Variants in NAALADL2 observed in about 807,000 individuals in gnomAD.
NAALADL2 encodes N-acetylated alpha-linked acidic dipeptidase like 2, also known as inactive N-acetylated-alpha-linked acidic dipeptidase-like protein 2.
Under a neutral mutation model 87.2 loss-of-function variants are expected in NAALADL2, and 76 were observed. The observed-to-expected ratio is 0.87, with a 90% CI of 0.72 to 1.05. The LOEUF is 1.05. Ranked by LOEUF, NAALADL2 falls within the 50% of genes least tolerant of loss-of-function variation. The pLI, the probability that NAALADL2 is intolerant of heterozygous loss-of-function variation, is 0.00. For synonymous variants in NAALADL2, 354 were observed against 331.0 expected, an observed-to-expected ratio of 1.07 and a Z score of -0.75; for missense variants, 1,089 against 945.8, an observed-to-expected ratio of 1.15 and a Z score of -1.99.
chr3:175,691,630 G>A (rs1222447057), intron 11 of NAALADL2, among the ~76,000 whole-genome samples: 2 of 151,712 alleles, frequency 1.3e-5, no homozygotes, highest in African/African-American at 4.8e-5. Context: ...AATGGCTGTA[G>A]GAAATATATA....
At position 175,058,882 on chromosome 3, in the gene NAALADL2, G is replaced by C. The variant is rs145706701; in HGVS notation, c.44-37908G>C. ...AACCTAATCCTGCCATTGGTGAAAA[G>C]AAAAAGTAGTGAATAGATTAGATGG... is the stretch of plus-strand genomic sequence containing the variant. On this transcript the variant is annotated intron_variant, in intron 1 of 13. Transcript: ENST00000454872. 2.6e-5 allele frequency among the ~76,000 whole-genome samples: 4 copies of C among 152,272 alleles called. No individual in the cohort carries two copies. In the East Asian group the frequency reaches 7.7e-4, roughly 29 times the overall value.
intron 2 of NAALADL2, among the ~76,000 whole-genome samples, chr3:174,551,955 G>A (rs1311319712): frequency 2.4e-4 from 36 of 152,192 alleles, no homozygotes; most frequent in Admixed American, 2.4e-3. Context: ...TATACTTGGA[G>A]AAGTTTCTTA....
intron 6 of NAALADL2, among the ~76,000 whole-genome samples, chr3:175,455,204 G>T (rs1032165633): frequency 2.0e-5 from 3 of 152,042 alleles, no homozygotes; most frequent in African/African-American, 7.2e-5. Flanking sequence ...CCAACCTGCT[G>T]GCCTCTTGTT....
intron 12 of NAALADL2, among the ~76,000 whole-genome samples, chr3:175,737,722 T>TTTTC (rs1744694620): frequency 7.2e-6 from 1 of 138,260 alleles, no homozygotes; most frequent in African/African-American, 2.8e-5. Flanking sequence ...CAGTTTTTTT[T>TTTTC]TTTTTTTTTT....
chr3:174,968,135 C>G lies in NAALADL2; in HGVS notation c.43+108685C>G, dbSNP rs1033845851. ...GTGCACTATCTAATGATTTGTCCTC[C>G]CAACTTCATTTCCCACCTCTTACTT... On this transcript the variant is annotated intron_variant, in intron 1 of 13. Transcript: ENST00000454872. 7.9e-5 allele frequency among the ~76,000 whole-genome samples: 12 copies of G among 152,102 alleles called. 1 individual carries two copies. The highest frequency in any genetic ancestry group is 6.6e-4 in the Admixed American group (10 of 15,266).
intron 2 of NAALADL2, among the ~76,000 whole-genome samples, chr3:174,612,569 TTAAAAGAC>T (rs1443758248): frequency 3.9e-5 from 6 of 152,124 alleles, no homozygotes; most frequent in Admixed American, 3.3e-4. Flanking sequence ...AATTCTGTTA[TTAAAAGAC>T]TGTGATGCAT....
At position 174,868,393 on chromosome 3, in the gene NAALADL2, G is replaced by A. The variant is rs116688121; in HGVS notation, c.43+8943G>A. Reference sequence around the variant, plus strand: ...CATATGCCCCTTACTGGGTAATTGTGAAAATTAAAAACATAAATATGCCAA... The same window carrying A: ...CATATGCCCCTTACTGGGTAATTGTAAAAATTAAAAACATAAATATGCCAA... On this transcript the variant is annotated intron_variant, in intron 1 of 13. Transcript: ENST00000454872. Among the ~76,000 whole-genome samples the A allele has an allele frequency of 2.9e-3, 447 of 152,196 alleles. 2 individuals carry two copies. Among genetic ancestry groups the A allele is most frequent in the African/African-American group, 0.01 (432 of 41,542 alleles).
rs1351108093 is a variant in NAALADL2, at chr3:174,909,037, G to T, written c.43+49587G>T. ...AAAAAAAAAAGATCTCCTTAGTTGT[G>T]TAGCTATTTCATCTTAACTGAATTC... On this transcript the variant is annotated intron_variant, in intron 1 of 13. Transcript: ENST00000454872. Among the ~76,000 whole-genome samples, 4 of 151,852 alleles carry T rather than the reference G, an allele frequency of 2.6e-5. No individual in the cohort carries two copies. In the South Asian group the frequency reaches 8.3e-4, roughly 32 times the overall value.
intron 1 of NAALADL2, among the ~76,000 whole-genome samples, chr3:174,942,307 A>G (rs777314464): frequency 6.6e-6 from 1 of 152,156 alleles, no homozygotes; most frequent in Non-Finnish European, 1.5e-5. Context: ...GTTTGGCTGG[A>G]TATGAAATTG....
chr3:175,396,309 C>T (rs1316027602), intron 5 of NAALADL2, among the ~76,000 whole-genome samples: 1 of 148,866 alleles, frequency 6.7e-6, no homozygotes, highest in Non-Finnish European at 1.5e-5. Flanking sequence ...TCTTTCAGTA[C>T]TGATTTTAAT....
At chr3:175,320,413 G>A (rs1214541528) in intron 4 of NAALADL2, among the ~76,000 whole-genome samples, 1 of 152,118 alleles carries the variant, frequency 6.6e-6, no homozygotes, top group African/African-American at 2.4e-5. Context: ...CAGAACAAGG[G>A]TTGATCTTTC....
At chr3:174,613,588 GC>G (rs1385130010) in intron 2 of NAALADL2, among the ~76,000 whole-genome samples, 1 of 152,148 alleles carries the variant, frequency 6.6e-6, no homozygotes, top group Non-Finnish European at 1.5e-5. Flanking sequence ...GGGGACAACT[GC>G]CAGGCTACTG....
intron 3 of NAALADL2, among the ~76,000 whole-genome samples, chr3:175,242,010 C>T (rs571537545): frequency 6.6e-5 from 10 of 151,290 alleles, no homozygotes; most frequent in South Asian, 2.1e-4. Context: ...TACAGGCACG[C>T]GCCCCCATGC....
chr3:174,949,613 A>G (rs1339364731), intron 1 of NAALADL2, among the ~76,000 whole-genome samples: 1 of 152,228 alleles, frequency 6.6e-6, no homozygotes, highest in Admixed American at 6.5e-5. Context: ...CAGGACCAAC[A>G]TCACAAATGA....
chr3:174,829,691 A>C (rs1722430826), intron 3 of NAALADL2, among the ~76,000 whole-genome samples: 2 of 143,030 alleles, frequency 1.4e-5, no homozygotes, highest in South Asian at 4.3e-4. Flanking sequence ...GAATCGCCAC[A>C]CTGACTTCCA....
intron 1 of NAALADL2, among the ~76,000 whole-genome samples, chr3:174,538,407 C>A (rs187315077): frequency 6.6e-6 from 1 of 152,096 alleles, no homozygotes; most frequent in East Asian, 1.9e-4. Context: ...GCAGAGAACT[C>A]GAGACTGACA....
intron 5 of NAALADL2, among the ~76,000 whole-genome samples, chr3:175,442,668 G>T (rs376922834): frequency 5.9e-5 from 9 of 152,284 alleles, no homozygotes; most frequent in African/African-American, 2.2e-4. Context: ...TGCACATGTA[G>T]CATTGAATCA....
intron 11 of NAALADL2, among the ~76,000 whole-genome samples, chr3:175,733,844 G>C (rs1744124321): frequency 6.6e-6 from 1 of 152,212 alleles, no homozygotes; most frequent in Non-Finnish European, 1.5e-5. Flanking sequence ...CTCCATGCAA[G>C]TCCAAAATCC....
intron 11 of NAALADL2, among the ~76,000 whole-genome samples, chr3:175,646,465 G>A (rs909858714): frequency 2.0e-5 from 3 of 151,952 alleles, no homozygotes; most frequent in Non-Finnish European, 4.4e-5. Flanking sequence ...GGGACAACAC[G>A]TTGCATTTGG....
Sources: gnomAD v4.1 joint callset for allele counts (sites outside exome capture counted in the v4.1 genomes callset) on GRCh38, gnomAD v4.1.1 for gene constraint, MANE v1.5 for transcripts, NCBI Gene and HGNC (gene_info 2026-07-23, HGNC 2026-07-21) for gene names.